The following EXOSC4 variants were observed in gnomAD, a reference collection of about 807,000 sequenced individuals.
EXOSC4 encodes exosome complex component RRP41.
A neutral mutation model predicts 20.0 loss-of-function variants in EXOSC4; 14 were observed. That is an observed-to-expected ratio of 0.70 (90% CI 0.46 to 1.09). The LOEUF (loss-of-function observed/expected upper bound fraction) is 1.09, where lower values mean the gene tolerates loss of function less well. EXOSC4 is among the 50% of genes least tolerant of loss of function. EXOSC4 has a pLI of 0.00. For missense variants in EXOSC4, 337 were observed against 334.0 expected, an observed-to-expected ratio of 1.01 and a Z score of -0.07; for synonymous variants, 148 against 146.4, an observed-to-expected ratio of 1.01 and a Z score of -0.08.
chr8:144,076,548 C>A (rs1392110766), upstream of EXOSC4, among the ~76,000 whole-genome samples: 4 of 152,132 alleles, frequency 2.6e-5, no homozygotes, highest in African/African-American at 9.7e-5. Context: ...TAATCCTAAA[C>A]CTGTAATGCT....
chr8:144,068,489 TCTGA>T, the EXOSC4 span, among the ~76,000 whole-genome samples: 1 of 152,250 alleles, frequency 6.6e-6, no homozygotes, highest in Admixed American at 6.5e-5. Flanking sequence ...TGCTGTGGAA[TCTGA>T]CTGGCCTGTG....
chr8:144,070,378 G>A, the EXOSC4 span, among the ~76,000 whole-genome samples: 31 of 152,000 alleles, frequency 2.0e-4, no homozygotes, highest in East Asian at 4.2e-3. Flanking sequence ...ACAAAATTGC[G>A]CTGGGTGTGG....
chr8:144,065,976 A>C, the EXOSC4 span, among the ~76,000 whole-genome samples: 1 of 140,072 alleles, frequency 7.1e-6, no homozygotes, highest in East Asian at 2.1e-4. Context: ...ATGCCTGGCT[A>C]GTTTTTTTGT....
chr8:144,074,098 G>A (rs1175399843), upstream of EXOSC4, among the ~76,000 whole-genome samples: 2 of 152,208 alleles, frequency 1.3e-5, no homozygotes, highest in Non-Finnish European at 2.9e-5. Flanking sequence ...GAATCTCGGG[G>A]ATCAGTTCCA....
In EXOSC4 at chr8:144,080,409, C is replaced by A. The variant is rs1459559145; in HGVS notation, c.546C>A (p.Gly182=). The change falls in exon 3 of 3, where the codon GGC becomes GGA. Residue 182 remains glycine (G), a synonymous_variant. Transcript: ENST00000316052. This position sits in a 1 kb window ranked among gnomAD's most constrained non-coding sequence, Gnocchi z 4.9. The stretch of plus-strand genomic sequence containing the variant: ...GCCATGTGGAGGAAGCAGCTGGTGG[C>A]CCCCAGCTGGCCCTGGCCCTGCTGC... ...DLSHVEEAAG[G]PQLALALLPA... 3 of 1,610,948 alleles carry A rather than the reference C, an allele frequency of 1.9e-6. No homozygotes were observed. In the African/African-American group the frequency reaches 4.0e-5, roughly 22 times the overall value.
chr8:144,067,830 A>C, the EXOSC4 span, among the ~76,000 whole-genome samples: 1 of 152,182 alleles, frequency 6.6e-6, no homozygotes, highest in Non-Finnish European at 1.5e-5. Flanking sequence ...TAACATGGTG[A>C]AACCCCATCT....
At chr8:144,073,443 T>C in the EXOSC4 span, among the ~76,000 whole-genome samples, 1 of 152,284 alleles carries the variant, frequency 6.6e-6, no homozygotes, top group Middle Eastern at 3.4e-3. Flanking sequence ...CGATTCGTTC[T>C]TCCCAGAACC....
At chr8:144,074,638 T>C (rs947143504), upstream of EXOSC4, among the ~76,000 whole-genome samples, 1 of 152,186 alleles carries the variant, frequency 6.6e-6, no homozygotes, top group Non-Finnish European at 1.5e-5. Context: ...GGCACGATCA[T>C]AGCTCACAGC....
chr8:144,065,987 T>G, the EXOSC4 span, among the ~76,000 whole-genome samples: 6 of 146,198 alleles, frequency 4.1e-5, no homozygotes, highest in Admixed American at 6.8e-5. Context: ...GTTTTTTTGT[T>G]TTTTTTTTTT....
the EXOSC4 span, among the ~76,000 whole-genome samples, chr8:144,065,418 C>T: frequency 1.8e-4 from 27 of 152,126 alleles, no homozygotes; most frequent in African/African-American, 5.8e-4. Flanking sequence ...GTACTGAATC[C>T]CAACAGAAAT....
the EXOSC4 span, among the ~76,000 whole-genome samples, chr8:144,070,430 G>A: frequency 6.6e-5 from 10 of 151,244 alleles, no homozygotes; most frequent in African/African-American, 1.9e-4. Context: ...AGGCTGAGGC[G>A]GGAGAACCGC....
At chr8:144,071,881 G>C in the EXOSC4 span, among the ~76,000 whole-genome samples, 1 of 152,162 alleles carries the variant, frequency 6.6e-6, no homozygotes, top group Non-Finnish European at 1.5e-5. Flanking sequence ...CGGGGAGGCT[G>C]AGGTGGGAGG....
the EXOSC4 span, among the ~76,000 whole-genome samples, chr8:144,072,142 TCCTCA>T: frequency 6.6e-6 from 1 of 152,128 alleles, no homozygotes; most frequent in East Asian, 1.9e-4. Flanking sequence ...ACATTTCAAG[TCCTCA>T]CCTCAAGCTA....
chr8:144,068,505 G>A, the EXOSC4 span, among the ~76,000 whole-genome samples: 20 of 152,256 alleles, frequency 1.3e-4, no homozygotes, highest in African/African-American at 3.1e-4. Context: ...TGGCCTGTGC[G>A]GGAAGAGTGT....
upstream of EXOSC4, among the ~76,000 whole-genome samples, chr8:144,074,999 A>G (rs182334956): frequency 1.5e-4 from 23 of 152,348 alleles, no homozygotes; most frequent in Admixed American, 1.2e-3. Flanking sequence ...CTTAATTATT[A>G]GTAATAAAAT....
In EXOSC4 at chr8:144,080,504, T is replaced by C; in HGVS notation, c.641T>C (p.Leu214Ser). 1 of 1,605,558 alleles carries C rather than the reference T, an allele frequency of 6.2e-7. No homozygotes were observed. ...RLHEDHLERV[L>S]EAAAQAARDV... is the part of the protein sequence containing the mutation. ...CACGAGGACCACCTGGAGCGGGTGTTGGAGGCTGCTGCCCAGGCTGCCCGA... is the reference window on the plus strand; with the variant it reads ...CACGAGGACCACCTGGAGCGGGTGTCGGAGGCTGCTGCCCAGGCTGCCCGA... The change falls in exon 3 of 3, where the codon TTG becomes TCG. Residue 214 changes from leucine (L) to serine (S), a missense_variant. Leu to Ser is a moderately radical substitution (Grantham distance 145, BLOSUM62 -2). Transcript: ENST00000316052. This position sits in a 1 kb window ranked among gnomAD's most constrained non-coding sequence, Gnocchi z 4.9.
upstream of EXOSC4, chr8:144,078,583 G>A (rs1285953493): frequency 1.0e-5 from 9 of 888,872 alleles, no homozygotes; most frequent in Non-Finnish European, 1.4e-5. The surrounding 1 kb of genome is among the most constrained non-coding windows in gnomAD (Gnocchi z 4.7). Context: ...GGAGGTCAGG[G>A]CCGCGGAGAG....
upstream of EXOSC4, among the ~76,000 whole-genome samples, chr8:144,073,847 T>C (rs1835812546): frequency 6.6e-6 from 1 of 150,386 alleles, no homozygotes; most frequent in African/African-American, 2.5e-5. Flanking sequence ...CGAGACTCTG[T>C]CTCAAAAAAA....
chr8:144,072,382 T>C, the EXOSC4 span, among the ~76,000 whole-genome samples: 1 of 152,196 alleles, frequency 6.6e-6, no homozygotes, highest in Non-Finnish European at 1.5e-5. Context: ...GATTTCACCA[T>C]GGTGGCCAGG....
Sources: allele counts gnomAD v4.1 joint callset (sites outside exome capture counted in the v4.1 genomes callset), GRCh38; gene constraint gnomAD v4.1.1; non-coding constraint Gnocchi (gnomAD v3.1); transcripts MANE v1.5; gene names NCBI Gene and HGNC (gene_info 2026-07-23, HGNC 2026-07-21).